The following DPP6 variants were observed in gnomAD, a reference collection of about 807,000 sequenced individuals.
DPP6 encodes the protein A-type potassium channel modulatory protein DPP6.
In DPP6, 69 loss-of-function variants were observed where a neutral mutation model predicts 122.6. The ratio of observed to expected loss-of-function variants is 0.56; its 90% CI spans 0.46 to 0.69. The LOEUF (loss-of-function observed/expected upper bound fraction) is 0.69, where lower values mean the gene tolerates loss of function less well. Among genes scored for constraint, DPP6 ranks in the 30% least tolerant of loss-of-function variants. The pLI is 0.00. For missense variants in DPP6, 928 were observed against 1,116.9 expected, an observed-to-expected ratio of 0.83 and a Z score of 2.41; for synonymous variants, 418 against 433.1, an observed-to-expected ratio of 0.97 and a Z score of 0.43.
Position 154,223,829 on chromosome 7 carries a change from A to G in DPP6, c.243+170766A>G, listed in dbSNP as rs555113721. On this transcript the variant is annotated intron_variant, in intron 1 of 25. Transcript: ENST00000377770. ...ACACAGGGAAAATCCTCTTCTCTTC[A>G]GAGTGGAGAATAGGCAGGAGGGGAG... Among the ~76,000 whole-genome samples, 27 of 148,982 alleles carry G rather than the reference A, an allele frequency of 1.8e-4. 1 individual carries two copies. The highest frequency in any genetic ancestry group is 7.3e-4 in the Admixed American group (11 of 15,166).
intron 1 of DPP6, among the ~76,000 whole-genome samples, chr7:154,312,015 C>T (rs1450058865): frequency 1.3e-5 from 2 of 152,150 alleles, no homozygotes; most frequent in African/African-American, 2.4e-5. Flanking sequence ...AAAGTTGTGG[C>T]AAGACCTGAT....
chr7:154,741,256 C>G (rs948871131), intron 8 of DPP6, among the ~76,000 whole-genome samples: 37 of 152,228 alleles, frequency 2.4e-4, no homozygotes, highest in African/African-American at 7.5e-4. Context: ...GACCTATCAT[C>G]TGCAGCCATA....
intron 5 of DPP6, among the ~76,000 whole-genome samples, chr7:154,637,310 A>G (rs1275552404): frequency 2.0e-5 from 3 of 152,236 alleles, no homozygotes; most frequent in African/African-American, 7.2e-5. Flanking sequence ...TGAAACCAAA[A>G]GATGCATATC....
intron 1 of DPP6, among the ~76,000 whole-genome samples, chr7:154,243,532 G>C (rs191535309): frequency 6.6e-6 from 1 of 151,960 alleles, no homozygotes; most frequent in African/African-American, 2.4e-5. Context: ...ACAGTGGCTC[G>C]TGCCTGTAAT....
At chr7:154,261,793 T>G (rs1425156569) in intron 1 of DPP6, among the ~76,000 whole-genome samples, 1 of 152,142 alleles carries the variant, frequency 6.6e-6, no homozygotes, top group African/African-American at 2.4e-5. Context: ...GAAAAAATGC[T>G]CAACATCATT....
chr7:154,835,606 A>G (rs1468247719), intron 16 of DPP6, among the ~76,000 whole-genome samples: 2 of 152,158 alleles, frequency 1.3e-5, no homozygotes, highest in Non-Finnish European at 2.9e-5. Flanking sequence ...ATTTTGTTAG[A>G]GACACACATT....
intron 1 of DPP6, among the ~76,000 whole-genome samples, chr7:154,027,451 C>T (rs957348856): frequency 4.6e-5 from 7 of 152,138 alleles, no homozygotes; most frequent in South Asian, 2.1e-4. Flanking sequence ...GATGGCTTCT[C>T]GCTGTGTCCT....
chr7:153,785,674 G>T, the DPP6 span, among the ~76,000 whole-genome samples: 1 of 152,066 alleles, frequency 6.6e-6, no homozygotes, highest in Admixed American at 6.5e-5. Context: ...ACAGTGTCTT[G>T]CTCTGTTGCC....
At chr7:154,300,534 A>G (rs4605977) in intron 1 of DPP6, among the ~76,000 whole-genome samples, 40,438 of 152,142 alleles carry the variant, frequency 0.27, 5,367 homozygotes, top group South Asian at 0.29. Flanking sequence ...GCTGGAGTAG[A>G]CAGACATGAC....
At chr7:154,672,249 C>T (rs1202412460) in intron 7 of DPP6, among the ~76,000 whole-genome samples, 1 of 152,184 alleles carries the variant, frequency 6.6e-6, no homozygotes, top group East Asian at 1.9e-4. Flanking sequence ...CAATGCAGAA[C>T]TGTGAGTCAA....
At chr7:154,437,187 A>T (rs932121845) in intron 1 of DPP6, among the ~76,000 whole-genome samples, 2 of 152,204 alleles carry the variant, frequency 1.3e-5, no homozygotes, top group Admixed American at 1.3e-4. Context: ...CTCTGCAGCC[A>T]ATCATTTCTC....
At chr7:154,596,371 G>A (rs1197439690) in intron 5 of DPP6, among the ~76,000 whole-genome samples, 1 of 152,240 alleles carries the variant, frequency 6.6e-6, no homozygotes, top group Non-Finnish European at 1.5e-5. Flanking sequence ...CGACTCGCAA[G>A]TGCCAGGAAT....
intron 7 of DPP6, among the ~76,000 whole-genome samples, chr7:154,717,324 T>C (rs1841542774): frequency 6.6e-6 from 1 of 152,088 alleles, no homozygotes; most frequent in African/African-American, 2.4e-5. Context: ...CTCGGACTTA[T>C]TCCTTCTACC....
chr7:154,769,323 GT>G, intron 8 of DPP6, 93 bp from the exon 9 acceptor site: 1 of 1,552,784 alleles, frequency 6.4e-7, no homozygotes, highest in South Asian at 1.2e-5. Context: ...GCAGGGACTC[GT>G]TTCTTTCCTG....
At chr7:154,126,616 C>T (rs992237283) in intron 1 of DPP6, among the ~76,000 whole-genome samples, 4 of 151,198 alleles carry the variant, frequency 2.6e-5, no homozygotes, top group Non-Finnish European at 2.9e-5. Context: ...CATCACGATT[C>T]GAAACCTGAA....
intron 1 of DPP6, among the ~76,000 whole-genome samples, chr7:154,427,220 A>T (rs186301795): frequency 6.6e-6 from 1 of 152,372 alleles, no homozygotes; most frequent in East Asian, 1.9e-4. Flanking sequence ...CTTAAAAATT[A>T]GGATTAAGTG....
intron 1 of DPP6, among the ~76,000 whole-genome samples, chr7:154,105,899 T>G (rs1039352425): frequency 8.6e-5 from 13 of 150,900 alleles, no homozygotes; most frequent in South Asian, 2.1e-4. Context: ...GACTGATGCA[T>G]CAGGATAAGT....
chr7:154,112,507 T>C (rs966979968), intron 1 of DPP6, among the ~76,000 whole-genome samples: 2 of 151,956 alleles, frequency 1.3e-5, no homozygotes, highest in African/African-American at 4.8e-5. Flanking sequence ...TAGCCAGGCG[T>C]GGTGGCACAT....
chr7:154,504,863 T>G (rs1825552657), intron 3 of DPP6, among the ~76,000 whole-genome samples: 1 of 152,162 alleles, frequency 6.6e-6, no homozygotes, highest in Non-Finnish European at 1.5e-5. Flanking sequence ...TTTGTGGTTT[T>G]AAATCCTCAA....
Sources: allele counts gnomAD v4.1 joint callset (sites outside exome capture counted in the v4.1 genomes callset), GRCh38; gene constraint gnomAD v4.1.1; transcripts MANE v1.5; gene names NCBI Gene and HGNC (gene_info 2026-07-23, HGNC 2026-07-21).